The following TCEA2 variants were observed in gnomAD, a reference collection of about 807,000 sequenced individuals.
The protein encoded by TCEA2 is transcription elongation factor A protein 2.
A neutral mutation model predicts 40.8 loss-of-function variants in TCEA2; 21 were observed. That is an observed-to-expected ratio of 0.51 (90% CI 0.36 to 0.74). TCEA2 has a LOEUF of 0.74. Ranked by LOEUF, TCEA2 falls within the 30% of genes least tolerant of loss-of-function variation. The pLI is 0.00. For synonymous variants in TCEA2, 165 were observed against 162.7 expected, an observed-to-expected ratio of 1.01 and a Z score of -0.11; for missense variants, 326 against 426.5, an observed-to-expected ratio of 0.76 and a Z score of 2.08.
rs200876141 is a variant in TCEA2, at chr20:64,072,201, C to T, written c.*21C>T. On this transcript the variant is annotated 3_prime_UTR_variant, in exon 10 of 10. Coordinates refer to ENST00000343484, the MANE Select transcript of TCEA2 (RefSeq NM_003195.6). ...GCTGACCCCTCGTGTAGATGTGCTG[C>T]AGCCTTGGGCCCTCCCCGGCCCACG... 5.6e-6 allele frequency: 9 copies of T among 1,609,062 alleles called. No individual in the cohort carries two copies. In the African/African-American group the frequency reaches 9.4e-5, roughly 17 times the overall value.
chr20:64,065,611 G>A (rs908808519), intron 1 of TCEA2: 4 of 152,212 alleles, frequency 2.6e-5, no homozygotes, highest in African/African-American at 7.2e-5. Context: ...CCTCGGTGGC[G>A]GCTCAGCGCC....
At chr20:64,057,123 C>G (rs2059482056), upstream of TCEA2, 1 of 152,154 alleles carries the variant, frequency 6.6e-6, no homozygotes, top group Non-Finnish European at 1.5e-5. Context: ...AGGCACTCCT[C>G]ACCCTGTGGC....
At chr20:64,056,633 C>T (rs886211521), upstream of TCEA2, among the ~76,000 whole-genome samples, 13 of 152,094 alleles carry the variant, frequency 8.5e-5, 1 homozygote, top group Admixed American at 2.6e-4. Context: ...CTTCCCACCA[C>T]GGCGCTGCCT....
At chr20:64,064,750 A>T (rs1241488443) in intron 1 of TCEA2, among the ~76,000 whole-genome samples, 4 of 152,138 alleles carry the variant, frequency 2.6e-5, no homozygotes, top group Non-Finnish European at 2.9e-5. Flanking sequence ...GCTCCCACTC[A>T]TTCCTGCTGG....
Position 64,070,590 on chromosome 20 carries a change from G to A in TCEA2, c.774G>A (p.Leu258=). The A allele has an allele frequency of 6.2e-7, 1 of 1,613,098 alleles. No homozygotes were observed. The highest frequency in any genetic ancestry group is 1.3e-5 in the African/African-American group (1 of 75,048). The part of the protein sequence containing the change: ...MARTGGTQTD[L]FTCGKCRKKN... ...GCACTGGCGGCACGCAGACAGACCT[G>A]TTCACCTGCGGCAAGTGCAGGAAAA... The change falls in exon 8 of 10, where the codon CTG becomes CTA. Residue 258 remains leucine (L), a synonymous_variant. Transcript: ENST00000343484.
upstream of TCEA2, among the ~76,000 whole-genome samples, chr20:64,061,413 C>T (rs2059563123): frequency 6.6e-6 from 1 of 150,844 alleles, no homozygotes; most frequent in African/African-American, 2.4e-5. Flanking sequence ...GTAGCTGGGA[C>T]TACAGGCGTC....
chr20:64,071,994 G>A lies in TCEA2; in HGVS notation c.891+53G>A, dbSNP rs569687870. ...CCCAGCTCCATTCTCTGGAGGTGGG[G>A]TGTCTCAGCCTCTGTGGGGTCTGTG... On this transcript the variant is annotated intron_variant, in intron 9 of 9. Coordinates refer to ENST00000343484, the MANE Select transcript of TCEA2 (RefSeq NM_003195.6). 4.5e-5 allele frequency: 72 copies of A among 1,610,978 alleles called. 1 individual carries two copies. The South Asian group carries it at 4.7e-4, about 11-fold the overall frequency.
chr20:64,064,979 T>G, intron 1 of TCEA2, among the ~76,000 whole-genome samples: 2 of 151,518 alleles, frequency 1.3e-5, no homozygotes, highest in Admixed American at 6.6e-5. Context: ...TGGGCAGAAC[T>G]GATGGGGGGT....
At chr20:64,065,052 T>C (rs1266193384) in intron 1 of TCEA2, among the ~76,000 whole-genome samples, 1 of 151,594 alleles carries the variant, frequency 6.6e-6, no homozygotes, top group Admixed American at 6.6e-5. Flanking sequence ...AGGCGGGCGC[T>C]GTGCAGTGGG....
chr20:64,071,817 C>A (rs377484447), intron 8 of TCEA2, 53 bp from the exon 9 acceptor site: 18 of 1,600,388 alleles, frequency 1.1e-5, no homozygotes, highest in Non-Finnish European at 1.4e-5. Flanking sequence ...GAGGGGATGC[C>A]GTCTGCAGCG....
At chr20:64,066,873 GT>G (rs746386842) in intron 2 of TCEA2, 41 bp from the exon 3 acceptor site, 1 of 1,587,694 alleles carries the variant, frequency 6.3e-7, no homozygotes, top group South Asian at 1.1e-5. Flanking sequence ...GACCCCTAGG[GT>G]GGGCCCCTGC....
Position 64,066,975 on chromosome 20 carries a change from A to C in TCEA2, c.196A>C (p.Ile66Leu). The C allele has an allele frequency of 6.2e-7, 1 of 1,613,864 alleles. No individual in the cohort carries two copies. Among genetic ancestry groups the C allele is most frequent in the Non-Finnish European group, 8.5e-7 (1 of 1,179,922 alleles). ...LRKQSSDEEV[I>L]ALAKSLIKSW... Reference sequence around the variant, plus strand: ...GAAGCAGAGCTCGGATGAGGAGGTCATTGCACTGGCCAAGTCTCTCATCAA... The same window carrying C: ...GAAGCAGAGCTCGGATGAGGAGGTCCTTGCACTGGCCAAGTCTCTCATCAA... Residue 66 changes from isoleucine to leucine, a missense_variant, in exon 3 of 10, where the codon ATT (isoleucine) becomes CTT (leucine). Coordinates refer to ENST00000343484, the MANE Select transcript of TCEA2 (RefSeq NM_003195.6).
At chr20:64,066,815 C>T in intron 2 of TCEA2, 100 bp from the exon 3 acceptor site, 1 of 1,225,966 alleles carries the variant, frequency 8.2e-7, no homozygotes, top group Non-Finnish European at 1.2e-6. Flanking sequence ...CTGGGAGGTC[C>T]CGGGCTCCTG....
chr20:64,057,200 G>A (rs1014392123), upstream of TCEA2: 1 of 152,270 alleles, frequency 6.6e-6, no homozygotes, highest in African/African-American at 2.4e-5. Flanking sequence ...CAGGACCAGC[G>A]CCTGGAGCGG....
chr20:64,061,534 C>T (rs2059565504), upstream of TCEA2, among the ~76,000 whole-genome samples: 1 of 152,302 alleles, frequency 6.6e-6, no homozygotes, highest in African/African-American at 2.4e-5. Context: ...CTTGGCCTCC[C>T]AAAGTGCTGG....
At chr20:64,058,298 C>A (rs1310694739), upstream of TCEA2, among the ~76,000 whole-genome samples, 1 of 152,244 alleles carries the variant, frequency 6.6e-6, no homozygotes, top group African/African-American at 2.4e-5. The surrounding 1 kb of genome is among the most constrained non-coding windows in gnomAD (Gnocchi z 6.7). Flanking sequence ...CCTAATGCAG[C>A]CCCGTAGGCT....
chr20:64,063,396 G>A lies in TCEA2; in HGVS notation c.72+12G>A. 1 of 1,544,272 alleles carries A rather than the reference G, an allele frequency of 6.5e-7. No homozygotes were observed. On this transcript the variant is annotated intron_variant, in intron 1 of 9. Transcript: ENST00000343484. Reference sequence around the variant, plus strand: ...CCAAGAAGAGCGCGGTGAGGGGCGCGGGCCGCCAGGACCCCGGGAACCCCG... The same window carrying A: ...CCAAGAAGAGCGCGGTGAGGGGCGCAGGCCGCCAGGACCCCGGGAACCCCG...
In TCEA2 at chr20:64,070,641, C is replaced by G. The variant is rs149349234; in HGVS notation, c.819+6C>G. 170 of 1,557,074 alleles carry G rather than the reference C, an allele frequency of 1.1e-4. No homozygotes were observed. The East Asian group carries it at 3.8e-3, about 35-fold the overall frequency. On this transcript the variant is annotated splice_donor_region_variant and intron_variant, in intron 8 of 9. Transcript: ENST00000343484. ...AGAACTGCACCTACACACAGGTGAG[C>G]GGCCGCTGGGCACCCTCCCCCGGGC...
intron 9 of TCEA2, 69 bp from the exon 10 acceptor site, chr20:64,072,103 T>C (rs991900614): frequency 1.2e-6 from 2 of 1,606,116 alleles, no homozygotes; most frequent in African/African-American, 1.3e-5. Flanking sequence ...TGGGTGAGCC[T>C]GTGCGGCCTT....
Sources: gnomAD v4.1 joint callset for allele counts (sites outside exome capture counted in the v4.1 genomes callset) on GRCh38, gnomAD v4.1.1 for gene constraint, Gnocchi (gnomAD v3.1) non-coding constraint, MANE v1.5 for transcripts, NCBI Gene and HGNC (gene_info 2026-07-23, HGNC 2026-07-21) for gene names.